The following CD101 variants were observed in gnomAD, a reference collection of about 807,000 sequenced individuals.
The protein encoded by CD101 is immunoglobulin superfamily member 2.
CD101 carries 76 observed loss-of-function variants against 98.2 expected under a neutral mutation model. That is an observed-to-expected ratio of 0.77 (90% CI 0.64 to 0.94). The LOEUF is 0.94. CD101 is among the 40% of genes least tolerant of loss of function. The pLI, the probability that CD101 is intolerant of heterozygous loss-of-function variation, is 0.00. For missense variants in CD101, 1,145 were observed against 1,218.8 expected (o/e 0.94, Z 0.90); for synonymous variants, 471 against 472.7 (o/e 1.00, Z 0.05).
At position 117,004,228 on chromosome 1, in the gene CD101, T is replaced by C. The variant is rs184571319; in HGVS notation, c.43+2368T>C. Among the ~76,000 whole-genome samples the C allele has an allele frequency of 1.3e-4, 20 of 152,314 alleles. No homozygotes were observed. Among genetic ancestry groups the C allele is most frequent in the African/African-American group, 4.1e-4 (17 of 41,570 alleles). On this transcript the variant is annotated intron_variant, in intron 1 of 9. Transcript: ENST00000682167. The surrounding 1 kb of genome is among the most constrained non-coding windows in gnomAD (Gnocchi z 4.1). The stretch of plus-strand genomic sequence containing the variant: ...TAAAAAAGATTCCACTTAGTATGGA[T>C]GGAAGCTATCTCAGCCTCCAAGCAT...
intron 4 of CD101, among the ~76,000 whole-genome samples, chr1:117,016,583 G>C (rs777822260): frequency 6.6e-6 from 1 of 152,180 alleles, no homozygotes; most frequent in African/African-American, 2.4e-5. Flanking sequence ...AGTAAGCTGG[G>C]TGCAGTGGCT....
chr1:117,009,682 T>TC (rs1010096966), intron 1 of CD101, among the ~76,000 whole-genome samples, 168 bp from the exon 2 acceptor site: 2 of 152,212 alleles, frequency 1.3e-5, no homozygotes, highest in African/African-American at 4.8e-5. Flanking sequence ...ATCAAGCAAT[T>TC]CCACTGCTGC....
Position 117,021,529 on chromosome 1 carries a change from T to G in CD101, c.2018-44T>G. ...CTCTAATGTCTCTACTACCTTAACT[T>G]TCTATTTCATAGCAAAGTAACTGTT... is the stretch of plus-strand genomic sequence containing the variant. On this transcript the variant is annotated intron_variant, in intron 6 of 9. Transcript: ENST00000682167. The surrounding 1 kb of genome is among the most constrained non-coding windows in gnomAD (Gnocchi z 4.7). 2.7e-6 allele frequency: 4 copies of G among 1,504,734 alleles called. No individual in the cohort carries two copies. Among genetic ancestry groups the G allele is most frequent in the Non-Finnish European group, 3.5e-6 (4 of 1,127,202 alleles). 93.2% of individuals were successfully genotyped at this position (1,504,734 alleles called of 1,614,324 possible).
Position 117,018,142 on chromosome 1 carries a change from A to AT in CD101, c.1613-9dup. 2.6e-6 allele frequency: 4 copies of AT among 1,548,924 alleles called. No individual in the cohort carries two copies. Among genetic ancestry groups the AT allele is most frequent in the Non-Finnish European group, 3.5e-6 (4 of 1,150,004 alleles). ...GTAAATATATTAGAAATTCTGTTTC[A>AT]TTTTTCTGTCTAGAGTCAAGTTTAC... On this transcript the variant is annotated splice_polypyrimidine_tract_variant and intron_variant, in intron 5 of 9. Transcript: ENST00000682167. The surrounding 1 kb of genome is among the most constrained non-coding windows in gnomAD (Gnocchi z 4.3).
chr1:117,020,018 G>T (rs1653481669), intron 6 of CD101, among the ~76,000 whole-genome samples: 1 of 151,914 alleles, frequency 6.6e-6, no homozygotes, highest in Non-Finnish European at 1.5e-5. Flanking sequence ...CTCCTCAATT[G>T]TCCATGTTCC....
intron 8 of CD101, chr1:117,026,177 G>C (rs1158286269): frequency 8.8e-6 from 3 of 340,256 alleles, no homozygotes; most frequent in Non-Finnish European, 1.6e-5. Context: ...GGGAGAAGGT[G>C]GGAGGTGAGC....
chr1:117,021,869 G>T lies in CD101; in HGVS notation c.2314G>T (p.Asp772Tyr). 1 of 1,614,174 alleles carries T rather than the reference G, an allele frequency of 6.2e-7. No homozygotes were observed. Among genetic ancestry groups the T allele is most frequent in the Non-Finnish European group, 8.5e-7 (1 of 1,180,034 alleles). ...GCACATTCTGAATGTGGAAGACAGCGATCGGGGCAAATATCACTGTGCTGT... is the reference window on the plus strand; with the variant it reads ...GCACATTCTGAATGTGGAAGACAGCTATCGGGGCAAATATCACTGTGCTGT... ...QLHILNVEDS[D>Y]RGKYHCAVEE... The change falls in exon 7 of 10, where the codon GAT (aspartate) becomes TAT (tyrosine). Residue 772 changes from aspartate (D) to tyrosine (Y), a missense_variant. Asp to Tyr is a radical substitution (Grantham distance 160). Transcript: ENST00000682167. The surrounding 1 kb of genome is among the most constrained non-coding windows in gnomAD (Gnocchi z 4.7).
rs145264118 is a variant in CD101 at position 117,007,893 on chromosome 1, C to T, written c.44-1957C>T. Among the ~76,000 whole-genome samples the T allele has an allele frequency of 4.6e-3, 694 of 152,208 alleles. 5 individuals are homozygous for T. The highest frequency in any genetic ancestry group is 8.4e-3 in the Admixed American group (128 of 15,298). On this transcript the variant is annotated intron_variant, in intron 1 of 9. Transcript: ENST00000682167. Reference sequence around the variant, plus strand: ...TATGACTGTACCACAGTTTATCCAGCCTACTGTTGATGGACATATGGGTTG... The same window carrying T: ...TATGACTGTACCACAGTTTATCCAGTCTACTGTTGATGGACATATGGGTTG...
At chr1:117,002,507 ATGAGT>A (rs1040665041) in intron 1 of CD101, among the ~76,000 whole-genome samples, 4 of 152,232 alleles carry the variant, frequency 2.6e-5, no homozygotes, top group Non-Finnish European at 5.9e-5. Flanking sequence ...GGAGAGTCAG[ATGAGT>A]TGAGCAGGTA....
chr1:117,025,095 G>A (rs905304987), intron 7 of CD101, among the ~76,000 whole-genome samples: 11 of 152,230 alleles, frequency 7.2e-5, no homozygotes, highest in Non-Finnish European at 1.2e-4. Context: ...GGACGTGGTG[G>A]CTCATGCCTG....
At chr1:117,030,210 C>T (rs1034792367) in intron 8 of CD101, among the ~76,000 whole-genome samples, 4 of 152,056 alleles carry the variant, frequency 2.6e-5, no homozygotes, top group African/African-American at 9.7e-5. Context: ...TTTGAGACCC[C>T]TGTCTCTACA....
At chr1:117,031,431 G>C (rs1654461558) in intron 8 of CD101, among the ~76,000 whole-genome samples, 1 of 152,212 alleles carries the variant, frequency 6.6e-6, no homozygotes, top group African/African-American at 2.4e-5. Context: ...CCCATGAGTA[G>C]AAAAGGAAGC....
At chr1:117,007,358 T>A (rs916366640) in intron 1 of CD101, among the ~76,000 whole-genome samples, 2 of 144,808 alleles carry the variant, frequency 1.4e-5, no homozygotes, top group African/African-American at 5.0e-5. Flanking sequence ...CCTAGTTTGC[T>A]TTTTTTTTTT....
chr1:117,017,535 A>T, intron 5 of CD101, 62 bp downstream of exon 5: 1 of 1,524,310 alleles, frequency 6.6e-7, no homozygotes, highest in Non-Finnish European at 8.9e-7. Context: ...CTGCAGTGGA[A>T]CTGGATTGCG....
Position 117,021,608 on chromosome 1 carries a change from C to T in CD101, c.2053C>T (p.Gln685Ter). 1 of 1,597,192 alleles carries T rather than the reference C, an allele frequency of 6.3e-7. No homozygotes were observed. Residue 685 changes from glutamine to a stop codon, truncating the protein, a stop_gained, in exon 7 of 10, where the codon CAA becomes TAA. Coordinates refer to ENST00000682167, the MANE Select transcript of CD101 (RefSeq NM_001256106.3). LOFTEE classifies it high-confidence loss of function. This position sits in a 1 kb window ranked among gnomAD's most constrained non-coding sequence, Gnocchi z 4.7. ...AAAAGTGAATTCAAGGAGTCAAGTC[C>T]AAGAGCTCTCCATCAACTCCAACAC... ...KLKVNSRSQV[Q>*]ELSINSNTDI... is the part of the protein sequence containing the mutation.
intron 4 of CD101, among the ~76,000 whole-genome samples, chr1:117,015,962 G>A (rs1653181191): frequency 1.3e-5 from 2 of 152,102 alleles, no homozygotes. Context: ...TCTCTACATT[G>A]CTCACAAAGC....
At chr1:117,031,085 G>A (rs1269974723) in intron 8 of CD101, among the ~76,000 whole-genome samples, 1 of 152,226 alleles carries the variant, frequency 6.6e-6, no homozygotes, top group Non-Finnish European at 1.5e-5. Flanking sequence ...GTGAGAGGCA[G>A]ATGGTGGGAA....
At position 117,009,919 on chromosome 1, in the gene CD101, C is replaced by T; in HGVS notation, c.113C>T (p.Pro38Leu). The stretch of plus-strand genomic sequence containing the variant: ...CCACTGTTTAGAGCTGAAGGTTACC[C>T]AGTCAGCATTGGCTGCAATGTAACT... ...KGPLFRAEGY[P>L]VSIGCNVTGH... is the part of the protein sequence containing the mutation. The change falls in exon 2 of 10, where the codon CCA becomes CTA. Residue 38 changes from proline to leucine, a missense_variant. Transcript: ENST00000682167. 1.2e-6 allele frequency: 2 copies of T among 1,614,038 alleles called. No individual in the cohort carries two copies. The highest frequency in any genetic ancestry group is 1.1e-5 in the South Asian group (1 of 91,074).
chr1:117,015,877 A>G (rs1653175158), intron 4 of CD101, among the ~76,000 whole-genome samples: 1 of 152,234 alleles, frequency 6.6e-6, no homozygotes, highest in Non-Finnish European at 1.5e-5. Flanking sequence ...TATGTTGCCC[A>G]GGGCAATTCT....
Sources: allele counts gnomAD v4.1 joint callset (sites outside exome capture counted in the v4.1 genomes callset), GRCh38; gene constraint gnomAD v4.1.1; non-coding constraint Gnocchi (gnomAD v3.1); transcripts MANE v1.5; gene names NCBI Gene and HGNC (gene_info 2026-07-23, HGNC 2026-07-21).